The following UBA52 variants were observed in gnomAD, a reference collection of about 807,000 sequenced individuals.
The protein encoded by UBA52 is ubiquitin-ribosomal protein eL40 fusion protein.
Under a neutral mutation model 15.3 loss-of-function variants are expected in UBA52, and 1 was observed. The observed-to-expected ratio is 0.07, with a 90% CI of 0.02 to 0.31. The LOEUF is 0.31. Ranked by LOEUF, UBA52 falls within the 10% of genes least tolerant of loss-of-function variation. UBA52 has a pLI of 1.00. For missense variants in UBA52, 87 were observed against 168.0 expected, an observed-to-expected ratio of 0.52 and a Z score of 2.66; for synonymous variants, 50 against 58.3, an observed-to-expected ratio of 0.86 and a Z score of 0.65.
Position 18,577,461 on chromosome 19 carries a change from C to G in UBA52, c.*2311C>G, listed in dbSNP as rs1311907701. 1 of 152,166 alleles carries G rather than the reference C, an allele frequency of 6.6e-6. No individual in the cohort carries two copies. Among genetic ancestry groups the G allele is most frequent in the African/African-American group, 2.4e-5 (1 of 41,438 alleles). The allele number at this position is 152,166 out of a possible 1,614,324, so 9.4% of individuals were successfully genotyped here. A position where few individuals can be genotyped will look rare whatever the true frequency, so the allele number is the denominator to read the frequency against. On this transcript the variant is annotated 3_prime_UTR_variant, in exon 5 of 5. Transcript: ENST00000442744. ...TCATTCAATAAACAGCTGCTGCTCA[C>G]TCTCCTGGTCCGTGGACTCTTTTTG...
Position 18,575,285 on chromosome 19 carries a change from G to A in UBA52, c.*135G>A. ...ATCTGTCCAGGGAGGTGGCTGAAGA[G>A]TGGGCATCTCCCTTAGGGACTCTAC... On this transcript the variant is annotated 3_prime_UTR_variant, in exon 5 of 5. Coordinates refer to ENST00000442744, the MANE Select transcript of UBA52 (RefSeq NM_001033930.3). 1 of 1,033,126 alleles carries A rather than the reference G, an allele frequency of 9.7e-7. No individual in the cohort carries two copies. Among genetic ancestry groups the A allele is most frequent in the Non-Finnish European group, 1.4e-6 (1 of 700,260 alleles). 64.0% of individuals were successfully genotyped at this position (1,033,126 alleles called of 1,614,324 possible).
At chr19:18,565,705 T>G in the UBA52 span, among the ~76,000 whole-genome samples, 1 of 149,170 alleles carries the variant, frequency 6.7e-6, no homozygotes. Flanking sequence ...GTTTTATTTT[T>G]GAGGTGGAGT....
chr19:18,572,848 C>T (rs1975570514), intron 1 of UBA52: 1 of 1,028,198 alleles, frequency 9.7e-7, no homozygotes, highest in African/African-American at 1.7e-5. Context: ...TAGGGGATGG[C>T]TTCCCATCCA....
At chr19:18,566,847 C>A (rs1027755865), upstream of UBA52, among the ~76,000 whole-genome samples, 3 of 152,058 alleles carry the variant, frequency 2.0e-5, no homozygotes, top group African/African-American at 4.8e-5. Flanking sequence ...AGCAGCCTCG[C>A]AGGGGGAGCC....
chr19:18,570,877 C>T (rs1262805523), upstream of UBA52, among the ~76,000 whole-genome samples: 1 of 151,254 alleles, frequency 6.6e-6, no homozygotes, highest in East Asian at 2.0e-4. Context: ...AGTAGAGATG[C>T]GGTTTCTCCA....
the UBA52 span, among the ~76,000 whole-genome samples, chr19:18,566,277 C>A: frequency 3.2e-3 from 487 of 151,856 alleles, 3 homozygotes; most frequent in African/African-American, 0.011. Context: ...GGTGAAACCC[C>A]GTCTCTACTA....
upstream of UBA52, among the ~76,000 whole-genome samples, chr19:18,570,752 C>CT (rs1366020202): frequency 4.0e-5 from 6 of 150,276 alleles, no homozygotes; most frequent in Admixed American, 3.3e-4. Context: ...CAATGGCACT[C>CT]TCTCGGCTAA....
the UBA52 span, among the ~76,000 whole-genome samples, chr19:18,563,797 C>T: frequency 0.46 from 70,271 of 151,786 alleles, 18,501 homozygotes; most frequent in East Asian, 0.65. Context: ...CCACCGTGCC[C>T]GGCCCTGATT....
upstream of UBA52, chr19:18,567,389 G>A (rs930638216): frequency 3.1e-5 from 20 of 653,364 alleles, 1 homozygote; most frequent in Admixed American, 1.6e-4. Context: ...TCCGTGCCCC[G>A]TGGGGAGGCC....
chr19:18,573,072 A>G, intron 1 of UBA52: 1 of 1,307,708 alleles, frequency 7.6e-7, no homozygotes, highest in Non-Finnish European at 1.0e-6. Context: ...GGTGGAGGAC[A>G]TGTGGTCTTT....
chr19:18,574,371 C>A (rs1227523685), intron 3 of UBA52, among the ~76,000 whole-genome samples: 2 of 151,818 alleles, frequency 1.3e-5, no homozygotes, highest in Admixed American at 1.3e-4. Context: ...TCACTGTGAC[C>A]TCCGTCTCCC....
chr19:18,566,265 A>G, the UBA52 span, among the ~76,000 whole-genome samples: 5 of 152,008 alleles, frequency 3.3e-5, no homozygotes, highest in African/African-American at 4.8e-5. Flanking sequence ...CCCGGCTAAC[A>G]TGGTGAAACC....
intron 3 of UBA52, among the ~76,000 whole-genome samples, chr19:18,573,967 G>T (rs1483798490): frequency 2.1e-5 from 3 of 146,304 alleles, no homozygotes; most frequent in Non-Finnish European, 4.6e-5. Flanking sequence ...CCTGGACAAC[G>T]TGGTGAAATC....
the UBA52 span, chr19:18,565,159 G>A: frequency 6.9e-7 from 1 of 1,453,084 alleles, no homozygotes; most frequent in Non-Finnish European, 9.0e-7. Flanking sequence ...TAAGTGTCTG[G>A]GACAATTCCA....
upstream of UBA52, chr19:18,567,364 G>A: frequency 1.5e-6 from 1 of 655,674 alleles, no homozygotes; most frequent in Non-Finnish European, 2.8e-6. Context: ...GGCAGAGTGG[G>A]CACTAGGACG....
chr19:18,564,813 G>T, the UBA52 span: 1 of 1,601,220 alleles, frequency 6.2e-7, no homozygotes, highest in Non-Finnish European at 8.5e-7. Flanking sequence ...TCTGGGCCAG[G>T]TTGGGCAGGG....
chr19:18,563,932 G>A, the UBA52 span, among the ~76,000 whole-genome samples: 1 of 151,750 alleles, frequency 6.6e-6, no homozygotes, highest in Non-Finnish European at 1.5e-5. Context: ...TGTCACCCAG[G>A]CTGGAGTGCA....
chr19:18,568,468 C>T, upstream of UBA52: 1 of 1,614,084 alleles, frequency 6.2e-7, no homozygotes, highest in Non-Finnish European at 8.5e-7. Context: ...ACCACGACCA[C>T]CATTGCCACC....
upstream of UBA52, among the ~76,000 whole-genome samples, chr19:18,570,813 G>C (rs899089281): frequency 2.6e-5 from 4 of 151,764 alleles, no homozygotes; most frequent in Non-Finnish European, 4.4e-5. Context: ...TCAGCCTCCT[G>C]AGTAGCTGGG....
Sources: gnomAD v4.1 joint callset for allele counts (sites outside exome capture counted in the v4.1 genomes callset) on GRCh38, gnomAD v4.1.1 for gene constraint, MANE v1.5 for transcripts, NCBI Gene and HGNC (gene_info 2026-07-23, HGNC 2026-07-21) for gene names.